DLC1: variants seen among roughly 807,000 people sequenced by gnomAD.
The protein encoded by DLC1 is rho GTPase-activating protein 7.
In DLC1, 54 loss-of-function variants were observed where a neutral mutation model predicts 140.3. The observed-to-expected ratio is 0.38, with a 90% CI of 0.31 to 0.48. The LOEUF (loss-of-function observed/expected upper bound fraction) is 0.48. Among genes scored for constraint, DLC1 ranks in the 20% least tolerant of loss-of-function variants. The pLI is 0.96. For missense variants in DLC1, 2,536 were observed against 1,907.0 expected (o/e 1.33, Z -6.14); for synonymous variants, 986 against 728.1 (o/e 1.35, Z -5.70).
At chr8:13,416,216 A>G (rs903914761) in intron 2 of DLC1, among the ~76,000 whole-genome samples, 1 of 152,162 alleles carries the variant, frequency 6.6e-6, no homozygotes, top group Non-Finnish European at 1.5e-5. Flanking sequence ...TTTCATGTGT[A>G]TAAAATTTGC....
intron 10 of DLC1, among the ~76,000 whole-genome samples, chr8:13,096,823 T>C (rs1234068648): frequency 6.6e-6 from 1 of 152,214 alleles, no homozygotes; most frequent in African/African-American, 2.4e-5. Context: ...GTGCTACTAA[T>C]GAAATGGGCG....
intron 5 of DLC1, chr8:13,304,503 T>C (rs574257597): frequency 2.7e-5 from 7 of 255,830 alleles, no homozygotes; most frequent in African/African-American, 1.6e-4. Flanking sequence ...TCTACTGCTT[T>C]AGTGTAAAGG....
chr8:13,306,884 G>C (rs1236429734), intron 4 of DLC1, among the ~76,000 whole-genome samples: 1 of 151,530 alleles, frequency 6.6e-6, no homozygotes, highest in East Asian at 1.9e-4. Context: ...AGGAGATCGA[G>C]ACCAGCCTGA....
intron 2 of DLC1, among the ~76,000 whole-genome samples, chr8:13,468,355 TCCC>T (rs1800045853): frequency 1.2e-4 from 2 of 16,598 alleles, no homozygotes; most frequent in East Asian, 2.1e-3. Flanking sequence ...TCCCCTCCCC[TCCC>T]CTCCCCTCCC....
At chr8:13,372,631 T>G (rs1835778541) in intron 4 of DLC1, among the ~76,000 whole-genome samples, 2 of 152,320 alleles carry the variant, frequency 1.3e-5, no homozygotes, top group East Asian at 3.9e-4. Context: ...TCTGTCATAT[T>G]CTAACTAAGC....
rs570937006 is a variant in DLC1 at position 13,446,599 on chromosome 8, G to T, written c.1024-44980C>A. Among the ~76,000 whole-genome samples the T allele has an allele frequency of 2.6e-5, 4 of 152,214 alleles. No individual in the cohort carries two copies. The South Asian group carries it at 8.3e-4, about 32-fold the overall frequency. On this transcript the variant is annotated intron_variant, in intron 2 of 17. Coordinates refer to ENST00000276297, the MANE Select transcript of DLC1 (RefSeq NM_182643.3). Reference sequence around the variant, plus strand: ...GAAAAAAGAGAAAGAAACAAGGAAGGAACGGAGGGAAGGGGAGGAGGAGAG... The same window carrying T: ...GAAAAAAGAGAAAGAAACAAGGAAGTAACGGAGGGAAGGGGAGGAGGAGAG...
At chr8:13,103,527 C>T (rs1026308800) in intron 7 of DLC1, among the ~76,000 whole-genome samples, 4 of 151,578 alleles carry the variant, frequency 2.6e-5, no homozygotes, top group Non-Finnish European at 4.4e-5. Flanking sequence ...TATGGACTGC[C>T]GCACATGGAG....
chr8:13,084,309 C>T lies in DLC1; in HGVS notation c.*1502G>A, dbSNP rs1817379659. The T allele has an allele frequency of 6.6e-6, 1 of 152,406 alleles. No homozygotes were observed. The highest frequency in any genetic ancestry group is 2.1e-4 in the South Asian group (1 of 4,816). 9.4% of individuals were successfully genotyped at this position (152,406 alleles called of 1,614,324 possible). A position where few individuals can be genotyped will look rare whatever the true frequency, so the allele number is the denominator to read the frequency against. ...TTAAAACTCTAATCTGATGCCCTGC[C>T]CCAAAATTCTTCAAAGAACCTTTGA... On this transcript the variant is annotated 3_prime_UTR_variant, in exon 18 of 18. Transcript: ENST00000276297.
intron 4 of DLC1, among the ~76,000 whole-genome samples, chr8:13,343,882 T>G (rs1834191859): frequency 6.6e-6 from 1 of 152,182 alleles, no homozygotes; most frequent in African/African-American, 2.4e-5. Context: ...CTAACATTTC[T>G]TATCATTTTT....
At chr8:13,135,919 T>G (rs1340784418) in intron 5 of DLC1, among the ~76,000 whole-genome samples, 1 of 152,204 alleles carries the variant, frequency 6.6e-6, no homozygotes, top group Non-Finnish European at 1.5e-5. Flanking sequence ...TGTATAATAA[T>G]ACTAATAATA....
At chr8:13,448,392 C>G (rs1798889531) in intron 2 of DLC1, among the ~76,000 whole-genome samples, 2 of 147,468 alleles carry the variant, frequency 1.4e-5, no homozygotes, top group South Asian at 2.1e-4. Context: ...GAGACAGGGT[C>G]TCGCTCTGTC....
intron 2 of DLC1, among the ~76,000 whole-genome samples, chr8:13,441,405 G>T (rs528214763): frequency 6.6e-6 from 1 of 152,208 alleles, no homozygotes; most frequent in Admixed American, 6.5e-5. Context: ...ATTAGGAAAA[G>T]AGGAAGTCAA....
At chr8:13,356,201 T>C (rs907615919) in intron 4 of DLC1, among the ~76,000 whole-genome samples, 1 of 152,120 alleles carries the variant, frequency 6.6e-6, no homozygotes, top group Non-Finnish European at 1.5e-5. Flanking sequence ...GCATTATCTT[T>C]ACAGGAATTG....
At chr8:13,382,130 G>A (rs914739395) in intron 4 of DLC1, among the ~76,000 whole-genome samples, 2 of 152,074 alleles carry the variant, frequency 1.3e-5, no homozygotes, top group Non-Finnish European at 2.9e-5. Context: ...AGTAAAAAAT[G>A]TACCTAAAGA....
intron 4 of DLC1, among the ~76,000 whole-genome samples, chr8:13,389,817 AG>A (rs1364219986): frequency 6.6e-6 from 1 of 152,186 alleles, no homozygotes; most frequent in African/African-American, 2.4e-5. Context: ...AGCAAATCAA[AG>A]GTAACCTTAA....
intron 5 of DLC1, among the ~76,000 whole-genome samples, chr8:13,284,173 G>A (rs1831461514): frequency 6.6e-6 from 1 of 152,192 alleles, no homozygotes; most frequent in Non-Finnish European, 1.5e-5. Context: ...CAGTAGTGGG[G>A]CTAAATTAGT....
At chr8:13,160,306 G>A (rs921578081) in intron 5 of DLC1, 8 of 152,140 alleles carry the variant, frequency 5.3e-5, no homozygotes, top group Admixed American at 4.6e-4. Flanking sequence ...AAGGCGGTGG[G>A]GAGACACTAA....
rs1049197848 is a variant in DLC1 at position 13,086,125 on chromosome 8, C to T, written c.4466+165G>A. ...TAAGGGAACCAAATTACGAAGTGGT[C>T]GCTGAAAGACCAACAAACATGAAAT... On this transcript the variant is annotated intron_variant, in intron 17 of 17. Transcript: ENST00000276297. 26 of 1,314,864 alleles carry T rather than the reference C, an allele frequency of 2.0e-5. No homozygotes were observed. The African/African-American group carries it at 2.5e-4, about 13-fold the overall frequency. The allele number at this position is 1,314,864 out of a possible 1,614,324, so 81.4% of individuals were successfully genotyped here.
intron 5 of DLC1, among the ~76,000 whole-genome samples, chr8:13,258,734 T>C (rs1201330660): frequency 6.6e-6 from 1 of 152,196 alleles, no homozygotes; most frequent in Non-Finnish European, 1.5e-5. Flanking sequence ...AGTTTCTATC[T>C]TTCTATTTCA....
Sources: allele counts gnomAD v4.1 joint callset (sites outside exome capture counted in the v4.1 genomes callset), GRCh38; gene constraint gnomAD v4.1.1; transcripts MANE v1.5; gene names NCBI Gene and HGNC (gene_info 2026-07-23, HGNC 2026-07-21).